Variants in TARS2 observed in about 807,000 individuals in gnomAD.
TARS2 encodes threonyl-tRNA synthetase 2, mitochondrial.
In TARS2, 61 loss-of-function variants were observed where a neutral mutation model predicts 94.4. That is an observed-to-expected ratio of 0.65 (90% CI 0.53 to 0.80). The LOEUF (loss-of-function observed/expected upper bound fraction) is 0.80. Among genes scored for constraint, TARS2 ranks in the 30% least tolerant of loss-of-function variants. TARS2 has a pLI of 0.00. For synonymous variants in TARS2, 359 were observed against 353.4 expected (o/e 1.02, Z -0.18); for missense variants, 704 against 902.5 (o/e 0.78, Z 2.82).
chr1:150,502,608 C>T (rs1257775905), intron 13 of TARS2, among the ~76,000 whole-genome samples: 1 of 152,024 alleles, frequency 6.6e-6, no homozygotes, highest in Non-Finnish European at 1.5e-5. Flanking sequence ...AGGCTGGTCT[C>T]GAACTCCTGA....
At chr1:150,506,785 C>T in intron 17 of TARS2, 131 bp from the exon 18 acceptor site, 1 of 1,221,928 alleles carries the variant, frequency 8.2e-7, no homozygotes, top group Admixed American at 2.3e-5. Context: ...TACTTCCTTT[C>T]TGTGAACCAT....
At chr1:150,502,385 AT>A (rs745871348) in intron 13 of TARS2, among the ~76,000 whole-genome samples, 51,202 of 122,818 alleles carry the variant, frequency 0.42, 11,498 homozygotes, top group South Asian at 0.64. Flanking sequence ...CGCCCAGCTA[AT>A]TTTTTTTTTT....
At chr1:150,494,730 T>C (rs587619776) in intron 7 of TARS2, among the ~76,000 whole-genome samples, 2 of 149,376 alleles carry the variant, frequency 1.3e-5, no homozygotes, top group Non-Finnish European at 3.0e-5. Flanking sequence ...AGAGTGAGAC[T>C]CTGTTTCAAA....
At chr1:150,498,330 G>C (rs1018942469) in intron 10 of TARS2, among the ~76,000 whole-genome samples, 172 bp from the exon 11 acceptor site, 13 of 152,156 alleles carry the variant, frequency 8.5e-5, no homozygotes, top group African/African-American at 3.1e-4. Context: ...TTGAACCTCA[G>C]GGCTCAGACT....
rs747250372 is a variant in TARS2 at position 150,506,983 on chromosome 1, G to A, written c.2076G>A (p.Gly692=). The A allele has an allele frequency of 5.0e-6, 8 of 1,614,154 alleles. No homozygotes were observed. Among genetic ancestry groups the A allele is most frequent in the Non-Finnish European group, 5.9e-6 (7 of 1,180,026 alleles). The part of the protein sequence containing the change: ...NIRTRDNRRL[G]EWDLPEAVQR... ...GGACTCGAGATAATCGTCGCCTTGG[G>A]GAGTGGGACTTGCCTGAGGCTGTGC... Residue 692 remains glycine, a synonymous_variant, in exon 18 of 18, where the codon GGG becomes GGA. Transcript: ENST00000369064.
rs894386805 is a variant in TARS2 at position 150,504,228 on chromosome 1, C to A, written c.1618-107C>A. On this transcript the variant is annotated intron_variant, in intron 13 of 17. Coordinates refer to ENST00000369064, the MANE Select transcript of TARS2 (RefSeq NM_025150.5). ...CTAGGTGACATGATGAAGGTAGTAGCCCGGGATGAGGGTAGGTTAAAGGGT... is the reference window on the plus strand; with the variant it reads ...CTAGGTGACATGATGAAGGTAGTAGACCGGGATGAGGGTAGGTTAAAGGGT... The A allele has an allele frequency of 1.2e-5, 12 of 1,015,042 alleles. No individual in the cohort carries two copies. The African/African-American group carries it at 1.9e-4, about 16-fold the overall frequency. The allele number at this position is 1,015,042 out of a possible 1,614,324, so 62.9% of individuals were successfully genotyped here. A position where few individuals can be genotyped will look rare whatever the true frequency, so the allele number is the denominator to read the frequency against.
At position 150,490,629 on chromosome 1, in the gene TARS2, T is replaced by C. The variant is rs2102476327; in HGVS notation, c.416T>C (p.Leu139Pro). ...AVFWHSSTHV[L>P]GAAAEQFLGA... ...TTCTGGCACTCCAGCACCCATGTCC[T>C]GGGGGCAGCAGCTGAACAATTCCTA... The change falls in exon 4 of 18, where the codon CTG (leucine) becomes CCG (proline). Residue 139 changes from leucine to proline, a missense_variant. Coordinates refer to ENST00000369064, the MANE Select transcript of TARS2 (RefSeq NM_025150.5). The C allele has an allele frequency of 1.2e-6, 2 of 1,613,976 alleles. No individual in the cohort carries two copies. The highest frequency in any genetic ancestry group is 1.7e-6 in the Non-Finnish European group (2 of 1,179,994).
At chr1:150,488,775 G>C in intron 2 of TARS2, 189 bp from the exon 3 acceptor site, 1 of 660,384 alleles carries the variant, frequency 1.5e-6, no homozygotes, top group Non-Finnish European at 2.5e-6. Flanking sequence ...CTCTATTTTT[G>C]TACCCATTAG....
intron 7 of TARS2, among the ~76,000 whole-genome samples, chr1:150,493,451 G>T (rs1669494017): frequency 6.6e-6 from 1 of 152,106 alleles, no homozygotes; most frequent in African/African-American, 2.4e-5. Context: ...TTAGTAAAGG[G>T]CATGCTTTTT....
chr1:150,488,168 A>T, intron 2 of TARS2, 114 bp downstream of exon 2: 1 of 1,222,238 alleles, frequency 8.2e-7, no homozygotes. Flanking sequence ...CCCCATTAAG[A>T]TAGCCTTTCC....
chr1:150,490,793 G>A (rs1669348029), intron 4 of TARS2, 68 bp downstream of exon 4: 3 of 1,602,226 alleles, frequency 1.9e-6, no homozygotes, highest in Non-Finnish European at 2.6e-6. Context: ...AGGGGCCTTG[G>A]GCATGCTCCA....
chr1:150,490,831 G>A, intron 4 of TARS2, 106 bp downstream of exon 4: 2 of 1,490,602 alleles, frequency 1.3e-6, no homozygotes, highest in Non-Finnish European at 1.8e-6. Flanking sequence ...GAGGAGAAGG[G>A]TTTCTCTAGG....
intron 13 of TARS2, among the ~76,000 whole-genome samples, chr1:150,501,466 CACCCATCA>C (rs1669917720): frequency 1.2e-5 from 1 of 86,780 alleles, no homozygotes; most frequent in Non-Finnish European, 2.7e-5. Context: ...TATAGGCAGG[CACCCATCA>C]CCATCACCAT....
Position 150,488,113 on chromosome 1 carries a change from A to G in TARS2, c.263+59A>G. On this transcript the variant is annotated intron_variant, in intron 2 of 17. Coordinates refer to ENST00000369064, the MANE Select transcript of TARS2 (RefSeq NM_025150.5). ...CCTTCTGCCCCTTTACTTTCTCTTC[A>G]CTTGAGCAGGGGAAGAAAACTTGGT... 13 of 1,561,036 alleles carry G rather than the reference A, an allele frequency of 8.3e-6. No homozygotes were observed. The South Asian group carries it at 1.5e-4, about 18-fold the overall frequency.
intron 17 of TARS2, 108 bp downstream of exon 17, chr1:150,505,813 T>TG: frequency 9.8e-7 from 1 of 1,016,132 alleles, no homozygotes; most frequent in South Asian, 1.6e-5. Flanking sequence ...GCTCATTACC[T>TG]GAGCAGGTAG....
At position 150,505,672 on chromosome 1, in the gene TARS2, C is replaced by T. The variant is rs146012895; in HGVS notation, c.1975C>T (p.Arg659Trp). 4.3e-6 allele frequency: 7 copies of T among 1,614,004 alleles called. No individual in the cohort carries two copies. The highest frequency in any genetic ancestry group is 2.7e-5 in the African/African-American group (2 of 74,912). Residue 659 changes from arginine to tryptophan, a missense_variant, in exon 17 of 18, where the codon CGG becomes TGG. Arg to Trp is a moderately radical substitution (Grantham distance 101). Transcript: ENST00000369064. ...ACTGACCCTCAGCCGGAGAATCCGC[C>T]GGGCCCAGCTTGCCCACTACAATTT... ...SGLTLSRRIR[R>W]AQLAHYNFQF...
At chr1:150,504,564 G>T in intron 14 of TARS2, 68 bp from the exon 15 acceptor site, 10 of 1,582,816 alleles carry the variant, frequency 6.3e-6, no homozygotes, top group South Asian at 1.1e-5. Flanking sequence ...AAAACTGGAA[G>T]GTGATCTTGG....
intron 13 of TARS2, among the ~76,000 whole-genome samples, chr1:150,503,918 AAAG>A (rs1560258020): frequency 6.6e-6 from 1 of 151,296 alleles, no homozygotes; most frequent in Non-Finnish European, 1.5e-5. Flanking sequence ...AAAAAAAAAA[AAAG>A]GAATAATTCT....
At chr1:150,494,370 CAAAAAAAAAAAA>C (rs377287320) in intron 7 of TARS2, among the ~76,000 whole-genome samples, 2 of 92,012 alleles carry the variant, frequency 2.2e-5, no homozygotes, top group Non-Finnish European at 2.3e-5. Context: ...GACAACATCT[CAAAAAAAAAAAA>C]AAAAAAAAAG....
Sources: gnomAD v4.1 joint callset for allele counts (sites outside exome capture counted in the v4.1 genomes callset) on GRCh38, gnomAD v4.1.1 for gene constraint, MANE v1.5 for transcripts, NCBI Gene and HGNC (gene_info 2026-07-23, HGNC 2026-07-21) for gene names.